LIMK2: variants seen among roughly 807,000 people sequenced by gnomAD.
The protein encoded by LIMK2 is LIM domain kinase 2.
In LIMK2, 35 loss-of-function variants were observed where a neutral mutation model predicts 75.7. That is an observed-to-expected ratio of 0.46 (90% CI 0.35 to 0.61). LIMK2 has a LOEUF of 0.61. Among genes scored for constraint, LIMK2 ranks in the 20% least tolerant of loss-of-function variants. LIMK2 has a pLI of 0.00. For synonymous variants in LIMK2, 301 were observed against 319.2 expected, an observed-to-expected ratio of 0.94 and a Z score of 0.61; for missense variants, 623 against 831.0, an observed-to-expected ratio of 0.75 and a Z score of 3.08.
intron 13 of LIMK2, chr22:31,273,161 C>T (rs775662365): frequency 4.7e-6 from 2 of 424,054 alleles, no homozygotes; most frequent in Non-Finnish European, 6.3e-6. Flanking sequence ...TGCCTAGGAG[C>T]ATACAGCTGC....
intron 2 of LIMK2, among the ~76,000 whole-genome samples, chr22:31,256,468 G>A (rs1430652046): frequency 6.6e-6 from 1 of 150,912 alleles, no homozygotes; most frequent in African/African-American, 2.4e-5. Flanking sequence ...AGCCTCCCGA[G>A]TAGCTGGGAT....
chr22:31,258,841 C>T, intron 3 of LIMK2: 1 of 430,506 alleles, frequency 2.3e-6, no homozygotes, highest in Non-Finnish European at 4.3e-6. Flanking sequence ...GACAGACTTG[C>T]CAACCCTGTA....
At chr22:31,258,149 C>G in intron 2 of LIMK2, 142 bp from the exon 3 acceptor site, 1 of 811,494 alleles carries the variant, frequency 1.2e-6, no homozygotes, top group Non-Finnish European at 1.9e-6. Flanking sequence ...GGGGAGATAG[C>G]ACAAGGCTGT....
chr22:31,213,332 C>T (rs2048363450), intron 1 of LIMK2, among the ~76,000 whole-genome samples: 2 of 139,096 alleles, frequency 1.4e-5, no homozygotes, highest in East Asian at 2.1e-4. Context: ...CTTCTGTCTC[C>T]TATGTTTCCC....
rs1317231624 is a variant in LIMK2 at position 31,265,981 on chromosome 22, G to C, written c.890G>C (p.Ser297Thr). 4.3e-6 allele frequency: 7 copies of C among 1,614,116 alleles called. No individual in the cohort carries two copies. In the South Asian group the frequency reaches 7.7e-5, roughly 18 times the overall value. The change falls in exon 8 of 16, where the codon AGC (serine) becomes ACC (threonine). Residue 297 changes from serine to threonine, a missense_variant. Transcript: ENST00000331728. Reference sequence around the variant, plus strand: ...AGTATCTCCAAGTCCCCTGGCCCCAGCTCCCCAAAGGAGCCCCTGCTGTTC... The same window carrying C: ...AGTATCTCCAAGTCCCCTGGCCCCACCTCCCCAAAGGAGCCCCTGCTGTTC... ...SNSISKSPGP[S>T]SPKEPLLFSR...
chr22:31,213,103 G>A (rs1029519515), intron 1 of LIMK2, among the ~76,000 whole-genome samples: 1 of 152,110 alleles, frequency 6.6e-6, no homozygotes, highest in African/African-American at 2.4e-5. Context: ...GCGAAAGTAG[G>A]CCACCTGGGG....
intron 2 of LIMK2, among the ~76,000 whole-genome samples, chr22:31,237,793 A>G (rs781329661): frequency 1.8e-4 from 27 of 152,070 alleles, no homozygotes; most frequent in Admixed American, 5.2e-4. Flanking sequence ...TATTTTTTTC[A>G]ATTAAAACTT....
chr22:31,277,202 G>A, intron 15 of LIMK2: 1 of 1,608,446 alleles, frequency 6.2e-7, no homozygotes, highest in African/African-American at 1.3e-5. Flanking sequence ...CGACCTCGTA[G>A]CAACAGCAAT....
chr22:31,269,353 C>T (rs1879928729), intron 11 of LIMK2, among the ~76,000 whole-genome samples: 1 of 143,618 alleles, frequency 7.0e-6, no homozygotes, highest in African/African-American at 2.6e-5. Flanking sequence ...ATCTCAAACT[C>T]CTGGGCTCAA....
Position 31,252,954 on chromosome 22 carries a change from T to TA in LIMK2, c.117-5331dup, listed in dbSNP as rs1259874516. On this transcript the variant is annotated intron_variant, in intron 2 of 15. Coordinates refer to ENST00000331728, the MANE Select transcript of LIMK2 (RefSeq NM_005569.4). ...GAAAATCTCAACTGATTATCTTTTT[T>TA]AAAAAACTCATATGTTCTCTGCTGA... 2.6e-5 allele frequency among the ~76,000 whole-genome samples: 4 copies of TA among 152,230 alleles called. 1 individual carries two copies. Among genetic ancestry groups the TA allele is most frequent in the Admixed American group, 2.0e-4 (3 of 15,276 alleles).
At chr22:31,238,523 CA>C (rs1415189737) in intron 2 of LIMK2, among the ~76,000 whole-genome samples, 14 of 152,144 alleles carry the variant, frequency 9.2e-5, no homozygotes, top group African/African-American at 2.7e-4. Flanking sequence ...AGAATGTCTA[CA>C]CCTCTTTGGA....
chr22:31,252,902 AG>A (rs2048739926), intron 2 of LIMK2, among the ~76,000 whole-genome samples: 1 of 152,250 alleles, frequency 6.6e-6, no homozygotes, highest in Admixed American at 6.5e-5. Flanking sequence ...ATGGCAGAGA[AG>A]GAATATGGAT....
Position 31,214,113 on chromosome 22 carries a change from G to A in LIMK2, c.16+1689G>A, listed in dbSNP as rs1463624217. Among the ~76,000 whole-genome samples, 9 of 151,694 alleles carry A rather than the reference G, an allele frequency of 5.9e-5. No homozygotes were observed. In the South Asian group the frequency reaches 6.2e-4, roughly 11 times the overall value. ...ATTACAGGCGTGAGCCACCGCACCC[G>A]GCCGATTTCCAGTAACTTTTTCTAA... On this transcript the variant is annotated intron_variant, in intron 1 of 15. Transcript: ENST00000331728.
At position 31,212,339 on chromosome 22, in the gene LIMK2, A is replaced by G. The variant is rs2048353516; in HGVS notation, c.-70A>G. 1 of 1,305,748 alleles carries G rather than the reference A, an allele frequency of 7.7e-7. No homozygotes were observed. The highest frequency in any genetic ancestry group is 9.8e-7 in the Non-Finnish European group (1 of 1,016,574). The allele number at this position is 1,305,748 out of a possible 1,614,324, so 80.9% of individuals were successfully genotyped here. On this transcript the variant is annotated 5_prime_UTR_variant, in exon 1 of 16. Coordinates refer to ENST00000331728, the MANE Select transcript of LIMK2 (RefSeq NM_005569.4). ...GGCGGCGGCGGCAGGAGCTGAGGGG[A>G]GTTGTAGGGAACTGAGGGGAGCTGC...
intron 3 of LIMK2, chr22:31,258,629 G>T (rs997925134): frequency 3.6e-6 from 2 of 556,232 alleles, no homozygotes; most frequent in African/African-American, 1.9e-5. Flanking sequence ...CTTAATAGTT[G>T]AACGTTGGGA....
intron 15 of LIMK2, chr22:31,275,612 T>A: frequency 3.4e-6 from 1 of 291,658 alleles, no homozygotes; most frequent in Non-Finnish European, 6.4e-6. Context: ...GATATTCCCC[T>A]GTCCATATCT....
At chr22:31,243,603 G>T (rs903285065) in intron 2 of LIMK2, among the ~76,000 whole-genome samples, 1 of 152,198 alleles carries the variant, frequency 6.6e-6, no homozygotes, top group African/African-American at 2.4e-5. Flanking sequence ...GAGTCAGTTT[G>T]TTCAGCTCCG....
intron 2 of LIMK2, among the ~76,000 whole-genome samples, chr22:31,249,506 T>C (rs1419002864): frequency 6.6e-6 from 1 of 152,140 alleles, no homozygotes; most frequent in Non-Finnish European, 1.5e-5. Flanking sequence ...CCTGGCTTTC[T>C]TTGCTCATTG....
At chr22:31,226,838 G>A (rs1045709419) in intron 2 of LIMK2, among the ~76,000 whole-genome samples, 4 of 152,120 alleles carry the variant, frequency 2.6e-5, no homozygotes, top group African/African-American at 9.7e-5. Flanking sequence ...TCAAACTCCT[G>A]ACCTCAGGTG....
Sources: allele counts gnomAD v4.1 joint callset (sites outside exome capture counted in the v4.1 genomes callset), GRCh38; gene constraint gnomAD v4.1.1; transcripts MANE v1.5; gene names NCBI Gene and HGNC (gene_info 2026-07-23, HGNC 2026-07-21).